Variants in PDE2A observed in about 807,000 individuals in gnomAD.
PDE2A encodes the protein cGMP-dependent 3',5'-cyclic phosphodiesterase.
Under a neutral mutation model 133.6 loss-of-function variants are expected in PDE2A, and 53 were observed. The ratio of observed to expected loss-of-function variants is 0.40; its 90% CI spans 0.32 to 0.50. The LOEUF (loss-of-function observed/expected upper bound fraction) is 0.50, where lower values mean the gene tolerates loss of function less well. Ranked by LOEUF, PDE2A falls within the 20% of genes least tolerant of loss-of-function variation. PDE2A has a pLI of 0.73. For synonymous variants in PDE2A, 491 were observed against 490.2 expected, an observed-to-expected ratio of 1.00 and a Z score of -0.02; for missense variants, 796 against 1,232.4, an observed-to-expected ratio of 0.65 and a Z score of 5.30.
At chr11:72,666,372 T>C (rs933718266) in intron 1 of PDE2A, among the ~76,000 whole-genome samples, 5 of 152,142 alleles carry the variant, frequency 3.3e-5, no homozygotes, top group African/African-American at 1.2e-4. Context: ...TGAAACTCTT[T>C]AAGTGTGACC....
chr11:72,585,111 TTTG>T (rs1220628744), intron 16 of PDE2A, 167 bp from the exon 17 acceptor site: 13 of 562,596 alleles, frequency 2.3e-5, no homozygotes, highest in East Asian at 9.2e-5. Flanking sequence ...ATTCAAGTGT[TTTG>T]TTTTTTTTTT....
intron 1 of PDE2A, among the ~76,000 whole-genome samples, chr11:72,661,290 GC>G (rs959272877): frequency 2.6e-5 from 4 of 152,264 alleles, no homozygotes; most frequent in East Asian, 1.9e-4. Context: ...GGGTGACAGA[GC>G]AAGACTCTGT....
intron 1 of PDE2A, among the ~76,000 whole-genome samples, chr11:72,661,766 C>T (rs1193820594): frequency 6.6e-6 from 1 of 152,256 alleles, no homozygotes; most frequent in Non-Finnish European, 1.5e-5. Context: ...TCTGTGTATA[C>T]TTCAAGTGCA....
At position 72,642,127 on chromosome 11, in the gene PDE2A, C is replaced by A. The variant is rs1858978314; in HGVS notation, c.144+127G>T. 3.1e-6 allele frequency: 4 copies of A among 1,277,360 alleles called. No individual in the cohort carries two copies. The South Asian group carries it at 8.0e-5, about 26-fold the overall frequency. 79.1% of individuals were successfully genotyped at this position (1,277,360 alleles called of 1,614,324 possible). A position where few individuals can be genotyped will look rare whatever the true frequency, so the allele number is the denominator to read the frequency against. On this transcript the variant is annotated intron_variant, in intron 2 of 30. Coordinates refer to ENST00000334456, the MANE Select transcript of PDE2A (RefSeq NM_002599.5). ...CTCTTGGTCTGCGCTGCCGTCCCAGCACAGGAGTAGAATTCAGAACTAGAG... is the reference window on the plus strand; with the variant it reads ...CTCTTGGTCTGCGCTGCCGTCCCAGAACAGGAGTAGAATTCAGAACTAGAG...
chr11:72,659,090 G>T (rs1445175132), intron 1 of PDE2A, among the ~76,000 whole-genome samples: 1 of 151,884 alleles, frequency 6.6e-6, no homozygotes, highest in African/African-American at 2.4e-5. Flanking sequence ...GGAGGAGACG[G>T]CAAAGCTTCT....
intron 1 of PDE2A, among the ~76,000 whole-genome samples, chr11:72,667,615 T>G (rs1310553354): frequency 6.6e-6 from 1 of 152,084 alleles, no homozygotes; most frequent in Non-Finnish European, 1.5e-5. Context: ...GAATGGACTG[T>G]ATGTGACAGC....
chr11:72,673,813 C>T (rs945455537), intron 1 of PDE2A, among the ~76,000 whole-genome samples: 2 of 152,106 alleles, frequency 1.3e-5, no homozygotes, highest in East Asian at 3.9e-4. Flanking sequence ...GCAGACCTCC[C>T]CCTCCCCACA....
chr11:72,635,898 C>T (rs1858658317), intron 2 of PDE2A: 2 of 954,172 alleles, frequency 2.1e-6, no homozygotes, highest in South Asian at 4.9e-5. Context: ...TCCCTTTGCT[C>T]TCACTCCCGG....
intron 2 of PDE2A, among the ~76,000 whole-genome samples, chr11:72,634,181 G>GGT (rs377608165): frequency 9.9e-5 from 15 of 151,748 alleles, no homozygotes; most frequent in African/African-American, 3.4e-4. Flanking sequence ...AGGAGGAAGC[G>GGT]GGTGGCAGAG....
At position 72,607,511 on chromosome 11, in the gene PDE2A, T is replaced by C. The variant is rs548849651; in HGVS notation, c.234+1151A>G. Among the ~76,000 whole-genome samples, 6 of 152,232 alleles carry C rather than the reference T, an allele frequency of 3.9e-5. No individual in the cohort carries two copies. In the South Asian group the frequency reaches 1.2e-3, roughly 32 times the overall value. ...ACACACCACCCACTTCCTACCAATT[T>C]CACACTCAATAAAGCTCACTCATTA... On this transcript the variant is annotated intron_variant, in intron 3 of 30. Transcript: ENST00000334456.
At chr11:72,583,595 T>A in intron 19 of PDE2A, 80 bp from the exon 20 acceptor site, 2 of 910,136 alleles carry the variant, frequency 2.2e-6, no homozygotes, top group Non-Finnish European at 3.7e-6. Flanking sequence ...GATGAAGGGG[T>A]CAAAAAGACA....
At chr11:72,608,269 C>T (rs1044224820) in intron 3 of PDE2A, among the ~76,000 whole-genome samples, 2 of 152,202 alleles carry the variant, frequency 1.3e-5, no homozygotes, top group Non-Finnish European at 2.9e-5. Flanking sequence ...ACCTCCCAGA[C>T]CTGGCTTCCA....
At chr11:72,631,809 C>G (rs1018486004) in intron 2 of PDE2A, among the ~76,000 whole-genome samples, 1 of 152,220 alleles carries the variant, frequency 6.6e-6, no homozygotes, top group Non-Finnish European at 1.5e-5. Context: ...CACCACCCTG[C>G]AGCATTCCAA....
chr11:72,591,491 C>A, intron 6 of PDE2A, 135 bp from the exon 7 acceptor site: 1 of 681,442 alleles, frequency 1.5e-6, no homozygotes, highest in Non-Finnish European at 2.6e-6. Context: ...TCAGTGATAA[C>A]CCCATCTTTC....
At chr11:72,669,314 C>A (rs1217315720) in intron 1 of PDE2A, among the ~76,000 whole-genome samples, 3 of 152,152 alleles carry the variant, frequency 2.0e-5, no homozygotes, top group African/African-American at 7.2e-5. Flanking sequence ...AGCAACCACA[C>A]TGTTGGGAAG....
chr11:72,584,575 A>G lies in PDE2A; in HGVS notation c.1513T>C (p.Phe505Leu), dbSNP rs2135285900. Residue 505 changes from phenylalanine to leucine, a missense_variant, in exon 18 of 31, where the codon TTC becomes CTC. Coordinates refer to ENST00000334456, the MANE Select transcript of PDE2A (RefSeq NM_002599.5). ...TGFRTRNILC[F>L]PIKNENQEVI... ...CCCTGGTTCTCGTTCTTGATGGGGA[A>G]GCAGAGGATGTTGCGCGTGCGGAAG... The G allele has an allele frequency of 1.2e-6, 2 of 1,611,966 alleles. No individual in the cohort carries two copies. The highest frequency in any genetic ancestry group is 4.5e-5 in the East Asian group (2 of 44,874).
At chr11:72,632,152 G>A (rs1858430881) in intron 2 of PDE2A, among the ~76,000 whole-genome samples, 1 of 152,136 alleles carries the variant, frequency 6.6e-6, no homozygotes, top group Non-Finnish European at 1.5e-5. Flanking sequence ...GGAGGTTCTG[G>A]GTTCCCTGCT....
intron 2 of PDE2A, among the ~76,000 whole-genome samples, chr11:72,626,465 C>G (rs1304251063): frequency 6.6e-6 from 1 of 152,216 alleles, no homozygotes; most frequent in East Asian, 1.9e-4. Context: ...GCCACTGGCT[C>G]CTGATGTGCA....
intron 1 of PDE2A, among the ~76,000 whole-genome samples, chr11:72,653,939 A>G (rs1363595034): frequency 1.3e-5 from 2 of 152,212 alleles, no homozygotes; most frequent in African/African-American, 4.8e-5. Flanking sequence ...ACAGGAAGTC[A>G]GGGCTTGGAA....
Sources: allele counts gnomAD v4.1 joint callset (sites outside exome capture counted in the v4.1 genomes callset), GRCh38; gene constraint gnomAD v4.1.1; transcripts MANE v1.5; gene names NCBI Gene and HGNC (gene_info 2026-07-23, HGNC 2026-07-21).